The following CCDC178 variants were observed in gnomAD, a reference collection of about 807,000 sequenced individuals.
CCDC178 encodes the protein coiled-coil domain-containing protein 178.
In CCDC178, 126 loss-of-function variants were observed where a neutral mutation model predicts 117.4. The ratio of observed to expected loss-of-function variants is 1.07; its 90% CI spans 0.93 to 1.24. CCDC178 has a LOEUF of 1.24. Ranked by LOEUF, CCDC178 falls within the 50% of genes most tolerant of loss-of-function variation. CCDC178 has a pLI of 0.00. For synonymous variants in CCDC178, 283 were observed against 313.4 expected, an observed-to-expected ratio of 0.90 and a Z score of 1.02; for missense variants, 1,030 against 986.9, an observed-to-expected ratio of 1.04 and a Z score of -0.59.
intron 5 of CCDC178, among the ~76,000 whole-genome samples, chr18:33,383,960 C>T (rs1171271375): frequency 6.6e-6 from 1 of 152,000 alleles, no homozygotes; most frequent in East Asian, 1.9e-4. Context: ...AAGCTAAGAA[C>T]CATGATAAAA....
At chr18:33,138,395 A>C (rs1398486141) in intron 20 of CCDC178, among the ~76,000 whole-genome samples, 1 of 152,164 alleles carries the variant, frequency 6.6e-6, no homozygotes, top group African/African-American at 2.4e-5. Flanking sequence ...GCCTGCACCT[A>C]GGGAGAAAAT....
intron 20 of CCDC178, among the ~76,000 whole-genome samples, chr18:33,111,729 T>G (rs898471864): frequency 3.3e-5 from 5 of 151,886 alleles, no homozygotes; most frequent in African/African-American, 1.2e-4. Context: ...TGTGTGTTAC[T>G]GTTATCCTCC....
chr18:32,960,858 T>G (rs2054690515), intron 22 of CCDC178, among the ~76,000 whole-genome samples: 1 of 152,174 alleles, frequency 6.6e-6, no homozygotes, highest in Non-Finnish European at 1.5e-5. Flanking sequence ...CATAATATAT[T>G]TACAAGTGTG....
intron 20 of CCDC178, among the ~76,000 whole-genome samples, chr18:33,141,497 T>C (rs2058204456): frequency 6.6e-6 from 1 of 152,124 alleles, no homozygotes; most frequent in Non-Finnish European, 1.5e-5. Flanking sequence ...AAACAGAAAC[T>C]GAATTTCTGA....
At chr18:33,111,100 C>T (rs1429889292) in intron 20 of CCDC178, among the ~76,000 whole-genome samples, 1 of 151,432 alleles carries the variant, frequency 6.6e-6, no homozygotes, top group Non-Finnish European at 1.5e-5. Flanking sequence ...AAGACTTGTA[C>T]ATCTTTTGTT....
At chr18:33,000,642 C>A (rs1192631784) in intron 21 of CCDC178, among the ~76,000 whole-genome samples, 1 of 152,158 alleles carries the variant, frequency 6.6e-6, no homozygotes, top group Non-Finnish European at 1.5e-5. Context: ...GCAGACTTTT[C>A]AGCGGAAAAC....
At chr18:33,044,069 A>ATG (rs1046887024) in intron 21 of CCDC178, among the ~76,000 whole-genome samples, 5 of 146,474 alleles carry the variant, frequency 3.4e-5, no homozygotes, top group Admixed American at 2.0e-4. Context: ...GTGTGTGTGT[A>ATG]TGTGTGTGTG....
intron 12 of CCDC178, among the ~76,000 whole-genome samples, chr18:33,279,614 T>C (rs894286273): frequency 2.0e-4 from 30 of 152,158 alleles, no homozygotes; most frequent in Non-Finnish European, 2.9e-4. Context: ...TTCAAGTTCA[T>C]ATGGAACCAA....
Position 33,300,876 on chromosome 18 carries a change from T to C in CCDC178, c.1023-7564A>G, listed in dbSNP as rs184052706. On this transcript the variant is annotated intron_variant, in intron 11 of 22. Transcript: ENST00000383096. ...GTCTGGAAAGTTTGCAGCCTGGCCATGTGGCACAGAAAAATTCCAAGCAGG... is the reference window on the plus strand; with the variant it reads ...GTCTGGAAAGTTTGCAGCCTGGCCACGTGGCACAGAAAAATTCCAAGCAGG... 1.0e-3 allele frequency among the ~76,000 whole-genome samples: 158 copies of C among 152,336 alleles called. 1 individual carries two copies. In the East Asian group the frequency reaches 0.02, roughly 20 times the overall value.
intron 21 of CCDC178, among the ~76,000 whole-genome samples, chr18:33,030,829 T>C (rs1428114533): frequency 1.3e-5 from 2 of 152,164 alleles, no homozygotes; most frequent in Non-Finnish European, 2.9e-5. Flanking sequence ...GAGAATTTAA[T>C]AGGGAATTGG....
intron 17 of CCDC178, 84 bp downstream of exon 17, chr18:33,224,691 C>A: frequency 1.1e-6 from 1 of 900,136 alleles, no homozygotes; most frequent in Non-Finnish European, 1.5e-6. Context: ...TCATAATTTC[C>A]CAAATGATAA....
At position 33,245,423 on chromosome 18, in the gene CCDC178, C is replaced by T. The variant is rs748481282; in HGVS notation, c.1415G>A (p.Arg472Gln). Residue 472 changes from arginine to glutamine, a missense_variant, in exon 15 of 23, where the codon CGG becomes CAG. Coordinates refer to ENST00000383096, the MANE Select transcript of CCDC178 (RefSeq NM_001105528.4). ...TTCAGATTCGTATTTTGATTTTTTC[C>T]GTATGCTGTAAAAGTAAAGCAAAAA... Reference protein sequence around the residue: ...KITVKTNESIRKKSKYESEIK... With the variant: ...KITVKTNESIQKKSKYESEIK... The T allele has an allele frequency of 2.5e-5, 38 of 1,540,236 alleles. No individual in the cohort carries two copies. The highest frequency in any genetic ancestry group is 1.8e-4 in the Middle Eastern group (1 of 5,564).
At chr18:33,303,360 CA>C (rs2062204492) in intron 11 of CCDC178, among the ~76,000 whole-genome samples, 3 of 151,962 alleles carry the variant, frequency 2.0e-5, no homozygotes, top group Non-Finnish European at 2.9e-5. Flanking sequence ...ATAAGTAGAG[CA>C]AAAAGGATTT....
intron 20 of CCDC178, among the ~76,000 whole-genome samples, chr18:33,195,246 C>G (rs1254857053): frequency 1.3e-5 from 2 of 151,930 alleles, no homozygotes; most frequent in Non-Finnish European, 2.9e-5. Context: ...ACACATGAAT[C>G]TATATGATCT....
In CCDC178 at chr18:33,379,859, GC is replaced by G. The variant is rs1485306726; in HGVS notation, c.209-9671del. Among the ~76,000 whole-genome samples, 11 of 152,270 alleles carry G rather than the reference GC, an allele frequency of 7.2e-5. No individual in the cohort carries two copies. The East Asian group carries it at 1.4e-3, about 19-fold the overall frequency. The stretch of plus-strand genomic sequence containing the variant: ...TCTGCCTATGTGCAGAGTAGTGAGA[GC>G]CCTACTGCACCATGATCTATGCATG... On this transcript the variant is annotated intron_variant, in intron 5 of 22. Coordinates refer to ENST00000383096, the MANE Select transcript of CCDC178 (RefSeq NM_001105528.4).
At chr18:33,296,199 T>C (rs1443815145) in intron 11 of CCDC178, among the ~76,000 whole-genome samples, 2 of 152,062 alleles carry the variant, frequency 1.3e-5, no homozygotes, top group Non-Finnish European at 2.9e-5. Flanking sequence ...TTAAATGTTA[T>C]AGGGTTTCAT....
chr18:33,317,354 C>T (rs1599151645), intron 11 of CCDC178, among the ~76,000 whole-genome samples: 1 of 152,120 alleles, frequency 6.6e-6, no homozygotes, highest in South Asian at 2.1e-4. Context: ...AGCAAGACCA[C>T]GAACCCACCA....
At chr18:33,246,540 G>A (rs2059550929) in intron 14 of CCDC178, among the ~76,000 whole-genome samples, 1 of 151,742 alleles carries the variant, frequency 6.6e-6, no homozygotes, top group African/African-American at 2.4e-5. Flanking sequence ...TAGGATGAAA[G>A]AATGATGTAG....
Position 33,409,257 on chromosome 18 carries a change from G to A in CCDC178, c.58+2774C>T, listed in dbSNP as rs116005601. On this transcript the variant is annotated intron_variant, in intron 3 of 22. Transcript: ENST00000383096. ...ATACCATCAGGCCTGGCTAATTTTC[G>A]TATTTTTTGTAAAGACAGGGTTTCA... Among the ~76,000 whole-genome samples the A allele has an allele frequency of 8.2e-3, 1,250 of 151,976 alleles. 16 individuals are homozygous for A. Among genetic ancestry groups the A allele is most frequent in the African/African-American group, 0.029 (1,181 of 41,430 alleles).
Sources: gnomAD v4.1 joint callset for allele counts (sites outside exome capture counted in the v4.1 genomes callset) on GRCh38, gnomAD v4.1.1 for gene constraint, MANE v1.5 for transcripts, NCBI Gene and HGNC (gene_info 2026-07-23, HGNC 2026-07-21) for gene names.